Variants in NFASC observed in about 807,000 individuals in gnomAD.
NFASC encodes the protein neurofascin.
Under a neutral mutation model 147.5 loss-of-function variants are expected in NFASC, and 43 were observed. That is an observed-to-expected ratio of 0.29 (90% CI 0.23 to 0.38). The LOEUF is 0.38. Among genes scored for constraint, NFASC ranks in the 10% least tolerant of loss-of-function variants. The pLI, the probability that NFASC is intolerant of heterozygous loss-of-function variation, is 1.00. For missense variants in NFASC, 1,320 were observed against 1,689.0 expected (o/e 0.78, Z 3.83); for synonymous variants, 622 against 665.5 (o/e 0.93, Z 1.01).
rs147703434 is a variant in NFASC at position 204,862,960 on chromosome 1, A to G, written c.-200+34178A>G. Among the ~76,000 whole-genome samples the G allele has an allele frequency of 3.4e-3, 523 of 152,342 alleles. 5 individuals carry two copies. The highest frequency in any genetic ancestry group is 0.012 in the African/African-American group (495 of 41,588). On this transcript the variant is annotated intron_variant, in intron 1 of 29. Coordinates refer to ENST00000339876, the MANE Select transcript of NFASC (RefSeq NM_001005388.3). ...AGCTTTGGACCAAGCACTTAGGCCA[A>G]TGTGCTGGGTGTGTTTGACCTACTG...
At chr1:204,843,626 TCCTCCCTCCCTC>T (rs796875779) in intron 1 of NFASC, among the ~76,000 whole-genome samples, 15 of 78,112 alleles carry the variant, frequency 1.9e-4, no homozygotes, top group Non-Finnish European at 2.7e-4. Context: ...CTTCCTTCCT[TCCTCCCTCCCTC>T]CCTCCCTCCC....
intron 8 of NFASC, among the ~76,000 whole-genome samples, chr1:204,967,538 C>T (rs1312503687): frequency 3.3e-5 from 5 of 152,154 alleles, no homozygotes; most frequent in African/African-American, 1.2e-4. Flanking sequence ...ATCATCACCT[C>T]CTCCAACTTG....
At chr1:204,877,782 A>T (rs1291978571) in intron 1 of NFASC, among the ~76,000 whole-genome samples, 1 of 152,182 alleles carries the variant, frequency 6.6e-6, no homozygotes, top group Non-Finnish European at 1.5e-5. Context: ...GTGTGCAAAT[A>T]TCTATTCGGG....
chr1:204,937,372 G>C (rs1187838424), intron 2 of NFASC, among the ~76,000 whole-genome samples: 1 of 152,184 alleles, frequency 6.6e-6, no homozygotes, highest in African/African-American at 2.4e-5. Context: ...TTGGACAAAT[G>C]TATTATATAA....
chr1:204,960,749 C>A (rs1227296485), intron 8 of NFASC, among the ~76,000 whole-genome samples: 2 of 152,218 alleles, frequency 1.3e-5, no homozygotes, highest in African/African-American at 4.8e-5. Context: ...CCTTGGGCCA[C>A]CCCATCTCTT....
chr1:205,005,742 T>A (rs956177719), intron 27 of NFASC, among the ~76,000 whole-genome samples: 2 of 152,242 alleles, frequency 1.3e-5, no homozygotes, highest in African/African-American at 4.8e-5. Context: ...TTTGATGGGA[T>A]GTGGTTGAGC....
At chr1:204,909,865 C>T (rs188604042) in intron 1 of NFASC, among the ~76,000 whole-genome samples, 60 of 151,616 alleles carry the variant, frequency 4.0e-4, no homozygotes, top group African/African-American at 1.3e-3. Context: ...CTTGCTTTTG[C>T]ATCTTTATCA....
At chr1:205,003,321 G>A (rs182056623) in intron 27 of NFASC, among the ~76,000 whole-genome samples, 244 of 152,292 alleles carry the variant, frequency 1.6e-3, no homozygotes, top group African/African-American at 5.5e-3. Context: ...GTGATTTTTT[G>A]TCATGCAGGG....
chr1:204,898,754 C>A (rs1399365836), intron 1 of NFASC, among the ~76,000 whole-genome samples: 1 of 152,188 alleles, frequency 6.6e-6, no homozygotes, highest in African/African-American at 2.4e-5. Context: ...CACCAGCTCA[C>A]ACAGATCTCC....
chr1:204,877,028 AATATATAT>A (rs2079047618), intron 1 of NFASC, among the ~76,000 whole-genome samples: 3 of 84,552 alleles, frequency 3.5e-5, no homozygotes, highest in African/African-American at 2.4e-4. Context: ...ATATATATAT[AATATATAT>A]TTATATATAT....
Position 204,927,704 on chromosome 1 carries a change from T to C in NFASC, c.-91+6964T>C, listed in dbSNP as rs373187797. Reference sequence around the variant, plus strand: ...TCACACAAGATTATCACTCCCCACCTCACCATCCCCCTCCCTCTGACCACT... The same window carrying C: ...TCACACAAGATTATCACTCCCCACCCCACCATCCCCCTCCCTCTGACCACT... On this transcript the variant is annotated intron_variant, in intron 2 of 29. Coordinates refer to ENST00000339876, the MANE Select transcript of NFASC (RefSeq NM_001005388.3). Among the ~76,000 whole-genome samples, 158 of 152,170 alleles carry C rather than the reference T, an allele frequency of 1.0e-3. 1 individual carries two copies. Among genetic ancestry groups the C allele is most frequent in the African/African-American group, 3.7e-3 (153 of 41,500 alleles).
At chr1:204,881,335 G>A (rs2080181306) in intron 1 of NFASC, among the ~76,000 whole-genome samples, 1 of 152,224 alleles carries the variant, frequency 6.6e-6, no homozygotes, top group African/African-American at 2.4e-5. Context: ...TCAGGTTGGG[G>A]AGGCCTCTCT....
At chr1:204,961,784 C>A (rs1051378226) in intron 8 of NFASC, among the ~76,000 whole-genome samples, 3 of 152,202 alleles carry the variant, frequency 2.0e-5, no homozygotes, top group Non-Finnish European at 2.9e-5. Context: ...ACCACTAATC[C>A]TTCTCTCATT....
chr1:204,968,189 G>T lies in NFASC; in HGVS notation c.707-60G>T. On this transcript the variant is annotated intron_variant, in intron 8 of 29. Coordinates refer to ENST00000339876, the MANE Select transcript of NFASC (RefSeq NM_001005388.3). This position sits in a 1 kb window ranked among gnomAD's most constrained non-coding sequence, Gnocchi z 5.4. ...ACTTCTCTCTAGCCTGACAGCGTTG[G>T]CCTAGTGGGGTCTGCCTTCTGGAAG... 3.2e-6 allele frequency: 4 copies of T among 1,238,500 alleles called. No homozygotes were observed. The highest frequency in any genetic ancestry group is 4.8e-6 in the Non-Finnish European group (4 of 838,924). 76.7% of individuals were successfully genotyped at this position (1,238,500 alleles called of 1,614,324 possible). A position where few individuals can be genotyped will look rare whatever the true frequency, so the allele number is the denominator to read the frequency against.
At chr1:204,977,780 G>A (rs1386264028) in intron 17 of NFASC, 55 bp downstream of exon 17, 1 of 1,539,378 alleles carries the variant, frequency 6.5e-7, no homozygotes, top group South Asian at 1.2e-5. Flanking sequence ...CACCCAGGGT[G>A]TGGAGTCTGG....
intron 1 of NFASC, among the ~76,000 whole-genome samples, chr1:204,845,445 G>A (rs749816269): frequency 5.9e-5 from 9 of 152,000 alleles, no homozygotes; most frequent in Admixed American, 3.3e-4. Flanking sequence ...GCGACAGAGT[G>A]AGACTCCATC....
chr1:204,869,401 T>G (rs1393023657), intron 1 of NFASC, among the ~76,000 whole-genome samples: 1 of 152,228 alleles, frequency 6.6e-6, no homozygotes, highest in East Asian at 1.9e-4. Flanking sequence ...AAGCAAATTA[T>G]CCATAATTTC....
Position 205,022,091 on chromosome 1 carries a change from A to C in NFASC, c.*5552A>C, listed in dbSNP as rs1258715631. On this transcript the variant is annotated 3_prime_UTR_variant, in exon 30 of 30. Coordinates refer to ENST00000339876, the MANE Select transcript of NFASC (RefSeq NM_001005388.3). ...GGGCTGGAGTTCAACAGATGTAAAGACTTCAGTGAAGCAATAAACACAAAA... is the reference window on the plus strand; with the variant it reads ...GGGCTGGAGTTCAACAGATGTAAAGCCTTCAGTGAAGCAATAAACACAAAA... 6.6e-6 allele frequency: 1 copy of C among 152,594 alleles called. No homozygotes were observed. The highest frequency in any genetic ancestry group is 1.5e-5 in the Non-Finnish European group (1 of 68,036). 9.5% of individuals were successfully genotyped at this position (152,594 alleles called of 1,614,324 possible).
intron 2 of NFASC, among the ~76,000 whole-genome samples, chr1:204,927,900 G>A (rs770756122): frequency 1.3e-5 from 2 of 152,332 alleles, no homozygotes; most frequent in South Asian, 2.1e-4. Context: ...TCCCTGAGGG[G>A]AGCAGACAGG....
Sources: gnomAD v4.1 joint callset for allele counts (sites outside exome capture counted in the v4.1 genomes callset) on GRCh38, gnomAD v4.1.1 for gene constraint, Gnocchi (gnomAD v3.1) non-coding constraint, MANE v1.5 for transcripts, NCBI Gene and HGNC (gene_info 2026-07-23, HGNC 2026-07-21) for gene names.